Variants in SMARCAD1 observed in about 807,000 individuals in gnomAD.
The protein encoded by SMARCAD1 is SNF2 related chromatin remodeling ATPase with DExD box 1.
SMARCAD1 carries 25 observed loss-of-function variants against 127.1 expected under a neutral mutation model. The ratio of observed to expected loss-of-function variants is 0.20; its 90% CI spans 0.14 to 0.27. The LOEUF is 0.27. Ranked by LOEUF, SMARCAD1 falls within the 10% of genes least tolerant of loss-of-function variation. The pLI, the probability that SMARCAD1 is intolerant of heterozygous loss-of-function variation, is 1.00. For missense variants in SMARCAD1, 807 were observed against 1,206.0 expected (o/e 0.67, Z 4.90); for synonymous variants, 400 against 396.9 (o/e 1.01, Z -0.09).
intron 9 of SMARCAD1, among the ~76,000 whole-genome samples, chr4:94,256,757 T>G (rs1204174428): frequency 1.3e-5 from 2 of 152,172 alleles, no homozygotes; most frequent in Non-Finnish European, 2.9e-5. Context: ...CTGAATAAGG[T>G]GGCACCAGTG....
intron 9 of SMARCAD1, among the ~76,000 whole-genome samples, chr4:94,259,981 A>T (rs896563002): frequency 1.8e-4 from 28 of 152,134 alleles, no homozygotes; most frequent in African/African-American, 6.5e-4. Context: ...AGTAAGGTCC[A>T]CTTATTAAGA....
Position 94,291,122 on chromosome 4 carries a change from G to T in SMARCAD1, c.*1588G>T, listed in dbSNP as rs1235903125. 15 of 450,570 alleles carry T rather than the reference G, an allele frequency of 3.3e-5. No individual in the cohort carries two copies. The highest frequency in any genetic ancestry group is 6.6e-5 in the Non-Finnish European group (15 of 226,008). 27.9% of individuals were successfully genotyped at this position (450,570 alleles called of 1,614,324 possible). On this transcript the variant is annotated 3_prime_UTR_variant, in exon 24 of 24. Transcript: ENST00000354268. Reference sequence around the variant, plus strand: ...TTTTACCTTTTAAAATCTCATAATGGATATCTCATGTTTTCTGTATTAATG... The same window carrying T: ...TTTTACCTTTTAAAATCTCATAATGTATATCTCATGTTTTCTGTATTAATG...
intron 14 of SMARCAD1, among the ~76,000 whole-genome samples, chr4:94,275,796 C>CTTTTATTTTATTTTATTTT (rs1553920714): frequency 0.051 from 4,327 of 85,104 alleles, 234 homozygotes; most frequent in East Asian, 0.27. Context: ...TTAACATTTT[C>CTTTTATTTTATTTTATTTT]TTTTTTTTTT....
intron 6 of SMARCAD1, among the ~76,000 whole-genome samples, chr4:94,242,359 A>G (rs999943038): frequency 6.6e-6 from 1 of 151,922 alleles, no homozygotes; most frequent in Non-Finnish European, 1.5e-5. Flanking sequence ...TTTCAGAATA[A>G]CTTATATTCT....
Position 94,280,732 on chromosome 4 carries a change from T to C in SMARCAD1, c.2559T>C (p.Ser853=), listed in dbSNP as rs1485607792. 2.5e-6 allele frequency: 4 copies of C among 1,613,632 alleles called. No individual in the cohort carries two copies. Among genetic ancestry groups the C allele is most frequent in the Admixed American group, 1.7e-5 (1 of 59,986 alleles). The change falls in exon 20 of 24, where the codon TCT becomes TCC. Residue 853 remains serine, a synonymous_variant. Transcript: ENST00000354268. ...FQLDMDLILD[S]GKFRVLGCIL... is the part of the protein sequence containing the mutation. ...TAGACATGGACTTGATTTTAGATTCTGGAAAATTTCGAGTTTTAGGATGCA... is the reference window on the plus strand; with the variant it reads ...TAGACATGGACTTGATTTTAGATTCCGGAAAATTTCGAGTTTTAGGATGCA...
At position 94,284,148 on chromosome 4, in the gene SMARCAD1, C is replaced by T. The variant is rs143452525; in HGVS notation, c.2910-812C>T. Among the ~76,000 whole-genome samples, 1,433 of 147,172 alleles carry T rather than the reference C, an allele frequency of 9.7e-3. 22 individuals are homozygous for T. The highest frequency in any genetic ancestry group is 0.034 in the African/African-American group (1,365 of 40,660). On this transcript the variant is annotated intron_variant, in intron 22 of 23. Coordinates refer to ENST00000354268, the MANE Select transcript of SMARCAD1 (RefSeq NM_020159.5). ...CATTCTGGCTAACATGGTGAAACCC[C>T]GTCTCTACTAAAAATACAAAAAAAA...
intron 9 of SMARCAD1, among the ~76,000 whole-genome samples, chr4:94,261,419 A>G (rs1383992526): frequency 1.3e-5 from 2 of 152,206 alleles, no homozygotes; most frequent in Non-Finnish European, 2.9e-5. Flanking sequence ...ATGTTATTAG[A>G]TGAATATTTA....
intron 21 of SMARCAD1, among the ~76,000 whole-genome samples, chr4:94,282,254 G>A (rs552526367): frequency 5.6e-4 from 71 of 126,084 alleles, no homozygotes; most frequent in African/African-American, 1.9e-3. Context: ...CTGCTACCAC[G>A]CCCGGCTAAT....
At chr4:94,237,766 TTAAC>T (rs1746914910) in intron 5 of SMARCAD1, among the ~76,000 whole-genome samples, 1 of 152,146 alleles carries the variant, frequency 6.6e-6, no homozygotes, top group Non-Finnish European at 1.5e-5. Context: ...CAGGATTAGT[TTAAC>T]TGTTTCCCTA....
chr4:94,227,165 A>G (rs1023258962), intron 3 of SMARCAD1, among the ~76,000 whole-genome samples: 1 of 152,118 alleles, frequency 6.6e-6, no homozygotes, highest in South Asian at 2.1e-4. Context: ...TGGGAATATC[A>G]TGTTCAGTGA....
At chr4:94,208,707 CT>C in intron 2 of SMARCAD1, 123 bp downstream of exon 2, 2 of 938,622 alleles carry the variant, frequency 2.1e-6, no homozygotes, top group Non-Finnish European at 1.7e-6. Context: ...GCGGTGTGCC[CT>C]TTTAAATACA....
chr4:94,247,785 C>A (rs1326266145), intron 6 of SMARCAD1, among the ~76,000 whole-genome samples: 3 of 152,064 alleles, frequency 2.0e-5, no homozygotes, highest in African/African-American at 7.2e-5. Context: ...TAATATGTAA[C>A]CTTTTATGTC....
At chr4:94,213,936 A>G (rs534681099) in intron 2 of SMARCAD1, among the ~76,000 whole-genome samples, 4 of 152,198 alleles carry the variant, frequency 2.6e-5, no homozygotes, top group Non-Finnish European at 5.9e-5. Context: ...AAAAAACATC[A>G]TTTGACAATG....
intron 9 of SMARCAD1, chr4:94,253,338 GTTCTGATCTGTTA>G: frequency 7.6e-7 from 1 of 1,322,550 alleles, no homozygotes; most frequent in South Asian, 1.2e-5. Flanking sequence ...TTGCTAGCCT[GTTCTGATCTGTTA>G]CTGCTGAGAC....
Position 94,207,993 on chromosome 4 carries a change from C to A in SMARCAD1, c.-127C>A. 2.6e-6 allele frequency: 1 copy of A among 391,500 alleles called. No individual in the cohort carries two copies. The highest frequency in any genetic ancestry group is 3.0e-5 in the Admixed American group (1 of 32,914). 24.3% of individuals were successfully genotyped at this position (391,500 alleles called of 1,614,324 possible). A position where few individuals can be genotyped will look rare whatever the true frequency, so the allele number is the denominator to read the frequency against. ...TTTCTCGAGGCAGGGGGCACGGTAGCACAGGGAGCTTCTCTTTGTGGGCGG... is the reference window on the plus strand; with the variant it reads ...TTTCTCGAGGCAGGGGGCACGGTAGAACAGGGAGCTTCTCTTTGTGGGCGG... On this transcript the variant is annotated 5_prime_UTR_variant, in exon 1 of 24. Coordinates refer to ENST00000354268, the MANE Select transcript of SMARCAD1 (RefSeq NM_020159.5).
chr4:94,241,931 A>G (rs1747639119), intron 6 of SMARCAD1, among the ~76,000 whole-genome samples: 1 of 152,144 alleles, frequency 6.6e-6, no homozygotes, highest in Non-Finnish European at 1.5e-5. Flanking sequence ...GATCTTGTAT[A>G]CCTGATCTTT....
chr4:94,208,749 C>T (rs1741681432), intron 2 of SMARCAD1, among the ~76,000 whole-genome samples, 165 bp downstream of exon 2: 1 of 152,176 alleles, frequency 6.6e-6, no homozygotes, highest in Admixed American at 6.5e-5. Flanking sequence ...ACCATGTACC[C>T]TCAACTGAGC....
intron 9 of SMARCAD1, among the ~76,000 whole-genome samples, chr4:94,257,413 G>C (rs1327275476): frequency 6.6e-6 from 1 of 152,102 alleles, no homozygotes; most frequent in Non-Finnish European, 1.5e-5. Flanking sequence ...AGTAACTTCA[G>C]ATTTACTAAT....
chr4:94,246,470 C>G (rs1043292160), intron 6 of SMARCAD1, among the ~76,000 whole-genome samples: 1 of 152,134 alleles, frequency 6.6e-6, no homozygotes, highest in Non-Finnish European at 1.5e-5. Context: ...GCAGTACACA[C>G]CCTAATGAAG....
Sources: gnomAD v4.1 joint callset for allele counts (sites outside exome capture counted in the v4.1 genomes callset) on GRCh38, gnomAD v4.1.1 for gene constraint, MANE v1.5 for transcripts, NCBI Gene and HGNC (gene_info 2026-07-23, HGNC 2026-07-21) for gene names.